Variants in VWA3A observed in about 807,000 individuals in gnomAD.
VWA3A encodes von Willebrand factor A domain-containing protein 3A.
VWA3A carries 134 observed loss-of-function variants against 160.4 expected under a neutral mutation model. The ratio of observed to expected loss-of-function variants is 0.84; its 90% CI spans 0.73 to 0.96. The LOEUF is 0.96. Among genes scored for constraint, VWA3A ranks in the 40% least tolerant of loss-of-function variants. VWA3A has a pLI of 0.00. For missense variants in VWA3A, 1,310 were observed against 1,447.9 expected (o/e 0.90, Z 1.55); for synonymous variants, 476 against 543.4 (o/e 0.88, Z 1.72).
chr16:22,096,361 G>A (rs368031435), intron 1 of VWA3A, among the ~76,000 whole-genome samples: 1 of 152,156 alleles, frequency 6.6e-6, no homozygotes, highest in African/African-American at 2.4e-5. Flanking sequence ...GACTTAGGGA[G>A]GCTGAGGAGG....
intron 2 of VWA3A, 40 bp from the exon 3 acceptor site, chr16:22,097,532 C>A: frequency 6.5e-7 from 1 of 1,547,758 alleles, no homozygotes; most frequent in Non-Finnish European, 8.7e-7. Flanking sequence ...AACCTATGCC[C>A]AGTGCTGGGG....
Position 22,150,797 on chromosome 16 carries a change from G to C in VWA3A, c.3232G>C (p.Glu1078Gln). 6.2e-7 allele frequency: 1 copy of C among 1,613,522 alleles called. No individual in the cohort carries two copies. Among genetic ancestry groups the C allele is most frequent in the Non-Finnish European group, 8.5e-7 (1 of 1,179,728 alleles). ...LVLNEVQKLR[E>Q]KRDVKVHTIS... ...CCTAAATGAAGTCCAAAAACTCAGG[G>C]AGAAAAGAGATGTGAAAGTGCACAC... Residue 1078 changes from glutamate to glutamine, a missense_variant, in exon 30 of 34, where the codon GAG (glutamate) becomes CAG (glutamine). By Grantham distance (29) the Glu-to-Gln change is conservative (BLOSUM62 2). Coordinates refer to ENST00000389398, the MANE Select transcript of VWA3A (RefSeq NM_173615.5).
At chr16:22,123,210 G>A (rs2045778136) in intron 15 of VWA3A, 45 bp downstream of exon 15, 1 of 1,534,164 alleles carries the variant, frequency 6.5e-7, no homozygotes, top group Admixed American at 1.9e-5. Context: ...TGCAGAAAGT[G>A]GGGACGGGAG....
intron 27 of VWA3A, chr16:22,147,600 AGACAGTCCATG>A (rs1317377219): frequency 1.4e-6 from 1 of 703,156 alleles, no homozygotes; most frequent in African/African-American, 1.7e-5. Flanking sequence ...GACCTGGTAT[AGACAGTCCATG>A]GACAGGGGCG....
intron 2 of VWA3A, among the ~76,000 whole-genome samples, 169 bp from the exon 3 acceptor site, chr16:22,097,403 G>C (rs933212421): frequency 2.6e-5 from 4 of 152,098 alleles, no homozygotes; most frequent in Admixed American, 1.3e-4. Flanking sequence ...ATATCTCATG[G>C]AACTGGAGTC....
At chr16:22,130,638 C>A (rs968946952) in intron 17 of VWA3A, among the ~76,000 whole-genome samples, 12 of 152,182 alleles carry the variant, frequency 7.9e-5, no homozygotes, top group Middle Eastern at 3.4e-3. Context: ...GGATCTCACT[C>A]CATTGCCCAG....
intron 30 of VWA3A, among the ~76,000 whole-genome samples, 189 bp from the exon 31 acceptor site, chr16:22,152,322 G>T (rs751320506): frequency 6.6e-6 from 1 of 152,152 alleles, no homozygotes; most frequent in Non-Finnish European, 1.5e-5. Flanking sequence ...AGCAGCAGTT[G>T]CTATAGCTGT....
At chr16:22,138,314 T>TCC in intron 21 of VWA3A, 46 bp from the exon 22 acceptor site, 1 of 1,542,716 alleles carries the variant, frequency 6.5e-7, no homozygotes, top group Non-Finnish European at 8.8e-7. Flanking sequence ...TGTGTGTGTG[T>TCC]CCACAGTGGC....
At chr16:22,095,792 C>A (rs2045311029) in intron 1 of VWA3A, among the ~76,000 whole-genome samples, 1 of 151,930 alleles carries the variant, frequency 6.6e-6, no homozygotes. Context: ...GAACTCCTGG[C>A]CTCAAGTGAC....
At chr16:22,141,371 C>G in intron 23 of VWA3A, 2 of 645,900 alleles carry the variant, frequency 3.1e-6, no homozygotes, top group Non-Finnish European at 5.6e-6. Context: ...AGGGAAAGAT[C>G]TGGACTCAGT....
At position 22,115,339 on chromosome 16, in the gene VWA3A, C is replaced by T; in HGVS notation, c.690-8C>T. 6.3e-7 allele frequency: 1 copy of T among 1,583,754 alleles called. No individual in the cohort carries two copies. Among genetic ancestry groups the T allele is most frequent in the Non-Finnish European group, 8.6e-7 (1 of 1,166,742 alleles). ...TATAATTAGGTTGCTGTTGTTGTCT[C>T]CTCCCAGCCTCCAGGAACTTAAGCT... On this transcript the variant is annotated splice_polypyrimidine_tract_variant and splice_region_variant and intron_variant, in intron 8 of 33. Coordinates refer to ENST00000389398, the MANE Select transcript of VWA3A (RefSeq NM_173615.5).
At chr16:22,145,554 G>A (rs766042215) in intron 26 of VWA3A, among the ~76,000 whole-genome samples, 2 of 151,134 alleles carry the variant, frequency 1.3e-5, no homozygotes, top group Non-Finnish European at 2.9e-5. Flanking sequence ...CAGGAAAATC[G>A]CTTGAACCCG....
chr16:22,121,651 A>C, intron 14 of VWA3A, 34 bp downstream of exon 14: 2 of 1,528,336 alleles, frequency 1.3e-6, no homozygotes, highest in Non-Finnish European at 1.8e-6. Context: ...CCAGTCCTCC[A>C]CAGGAGAGCT....
chr16:22,142,015 G>C (rs2046160145), intron 24 of VWA3A, among the ~76,000 whole-genome samples: 1 of 152,182 alleles, frequency 6.6e-6, no homozygotes, highest in South Asian at 2.1e-4. Context: ...CCCTAGGCCA[G>C]CCTGATTCAC....
intron 28 of VWA3A, among the ~76,000 whole-genome samples, chr16:22,148,589 A>G (rs1029807928): frequency 6.6e-6 from 1 of 152,052 alleles, no homozygotes; most frequent in African/African-American, 2.4e-5. Context: ...TCAGCAACAA[A>G]GTGTCATCCC....
chr16:22,154,960 C>CAAAAA (rs747770335), intron 31 of VWA3A, among the ~76,000 whole-genome samples: 1 of 54,434 alleles, frequency 1.8e-5, no homozygotes, highest in African/African-American at 6.1e-5. Flanking sequence ...GACTCCGTCT[C>CAAAAA]AAAAAAAAAA....
At chr16:22,093,952 T>TTA (rs991517614) in intron 1 of VWA3A, among the ~76,000 whole-genome samples, 11 of 151,410 alleles carry the variant, frequency 7.3e-5, no homozygotes, top group African/African-American at 2.2e-4. Context: ...TTTTTTTTTT[T>TTA]TATATAGAGA....
intron 20 of VWA3A, among the ~76,000 whole-genome samples, chr16:22,133,398 T>A (rs577857649): frequency 5.3e-5 from 8 of 152,136 alleles, no homozygotes; most frequent in African/African-American, 1.7e-4. Context: ...ATACCCACAA[T>A]CCCAGCAGTT....
rs2046436561 is a variant in VWA3A, at chr16:22,156,098, T to C, written c.*81T>C. 1.6e-6 allele frequency: 1 copy of C among 631,588 alleles called. No individual in the cohort carries two copies. The highest frequency in any genetic ancestry group is 2.7e-6 in the Non-Finnish European group (1 of 364,590). The allele number at this position is 631,588 out of a possible 1,614,324, so 39.1% of individuals were successfully genotyped here. On this transcript the variant is annotated 3_prime_UTR_variant, in exon 34 of 34. Transcript: ENST00000389398. ...GCCCCGAGGGCAGGATGGGATGAAATGCTGTGACCTGCAGGAAACATGATT... is the reference window on the plus strand; with the variant it reads ...GCCCCGAGGGCAGGATGGGATGAAACGCTGTGACCTGCAGGAAACATGATT...
Sources: gnomAD v4.1 joint callset for allele counts (sites outside exome capture counted in the v4.1 genomes callset) on GRCh38, gnomAD v4.1.1 for gene constraint, MANE v1.5 for transcripts, NCBI Gene and HGNC (gene_info 2026-07-23, HGNC 2026-07-21) for gene names.